NAALADL1: variants seen among roughly 807,000 people sequenced by gnomAD.
NAALADL1 encodes N-acetylated alpha-linked acidic dipeptidase like 1, also known as aminopeptidase NAALADL1.
Under a neutral mutation model 82.8 loss-of-function variants are expected in NAALADL1, and 77 were observed. That is an observed-to-expected ratio of 0.93 (90% CI 0.77 to 1.12). The LOEUF (loss-of-function observed/expected upper bound fraction) is 1.12. Among genes scored for constraint, NAALADL1 ranks in the 50% most tolerant of loss-of-function variants. The probability of loss-of-function intolerance (pLI) is 0.00; values close to 1 mark genes in which losing one functional copy is unlikely to be tolerated. For missense variants in NAALADL1, 956 were observed against 964.0 expected (o/e 0.99, Z 0.11); for synonymous variants, 358 against 399.2 (o/e 0.90, Z 1.23).
In NAALADL1 at chr11:65,045,867, C is replaced by G; in HGVS notation, c.1991G>C (p.Arg664Pro). 6.2e-7 allele frequency: 1 copy of G among 1,614,104 alleles called. No individual in the cohort carries two copies. Among genetic ancestry groups the G allele is most frequent in the Non-Finnish European group, 8.5e-7 (1 of 1,179,992 alleles). Reference protein sequence around the residue: ...MLNDQLMLLERTFLNPRAFPE... With the variant: ...MLNDQLMLLEPTFLNPRAFPE... ...GAAGGCTCTAGGGTTCAGAAAGGTC[C>G]GTTCCAAGAGCATCAACTGGTCATT... Residue 664 changes from arginine (R) to proline (P), a missense_variant, in exon 17 of 18, where the codon CGG (arginine) becomes CCG (proline). By Grantham distance (103) the Arg-to-Pro change is moderately radical (BLOSUM62 -2). Coordinates refer to ENST00000358658, the MANE Select transcript of NAALADL1 (RefSeq NM_005468.3).
chr11:65,046,021 G>A lies in NAALADL1; in HGVS notation c.1943+6C>T. 6.2e-7 allele frequency: 1 copy of A among 1,613,542 alleles called. No homozygotes were observed. Among genetic ancestry groups the A allele is most frequent in the Non-Finnish European group, 8.5e-7 (1 of 1,179,860 alleles). On this transcript the variant is annotated splice_donor_region_variant and intron_variant, in intron 16 of 17. Transcript: ENST00000358658. ...CTCCCAGCCCCTGCCCGCTGCCCTT[G>A]CTCACTCAGGGCTGCCCTTCTGCAG...
intron 4 of NAALADL1, among the ~76,000 whole-genome samples, chr11:65,056,042 G>A (rs1342422347): frequency 6.6e-6 from 1 of 151,802 alleles, no homozygotes; most frequent in African/African-American, 2.4e-5. Context: ...CTGCCACCAT[G>A]AGCGGCTATT....
Position 65,053,156 on chromosome 11 carries a change from T to C in NAALADL1, c.1198+62A>G. On this transcript the variant is annotated intron_variant, in intron 8 of 17. Transcript: ENST00000358658. The surrounding 1 kb of genome is among the most constrained non-coding windows in gnomAD (Gnocchi z 4.3). ...GCACTGCAGTGTGAGGGAGAGGAGG[T>C]GGAACAGGAAGGGGACCTCCGGGGG... 1 of 1,480,890 alleles carries C rather than the reference T, an allele frequency of 6.8e-7. No individual in the cohort carries two copies. Among genetic ancestry groups the C allele is most frequent in the Non-Finnish European group, 9.0e-7 (1 of 1,113,138 alleles). The allele number at this position is 1,480,890 out of a possible 1,614,324, so 91.7% of individuals were successfully genotyped here.
At position 65,058,148 on chromosome 11, in the gene NAALADL1, C is replaced by CGAGT; in HGVS notation, c.284_287dup (p.Ala97LeufsTer15). ...GCACTTCGTACGTGGAGGCCTCGGC[C>CGAGT]GAGTCCAGGCCTGACTCTGGGTCCT... On this transcript the variant is annotated frameshift_variant, in exon 2 of 18. Coordinates refer to ENST00000358658, the MANE Select transcript of NAALADL1 (RefSeq NM_005468.3). LOFTEE classifies it high-confidence loss of function. The CGAGT allele has an allele frequency of 6.2e-7, 1 of 1,613,914 alleles. No individual in the cohort carries two copies. Among genetic ancestry groups the CGAGT allele is most frequent in the Non-Finnish European group, 8.5e-7 (1 of 1,179,922 alleles).
chr11:65,046,123 A>T lies in NAALADL1; in HGVS notation c.1856-9T>A. 6.2e-7 allele frequency: 1 copy of T among 1,614,138 alleles called. No homozygotes were observed. The highest frequency in any genetic ancestry group is 2.2e-5 in the East Asian group (1 of 44,880). On this transcript the variant is annotated splice_polypyrimidine_tract_variant and intron_variant, in intron 15 of 17. Transcript: ENST00000358658. ...TGCAGTCACCAGAGGCCCTGTGAGG[A>T]ACAAGCAGTGGCTCAGTCATGGGGG...
intron 8 of NAALADL1, among the ~76,000 whole-genome samples, chr11:65,051,328 T>C (rs1483884158): frequency 4.3e-4 from 22 of 50,896 alleles, no homozygotes; most frequent in Non-Finnish European, 6.5e-4. Flanking sequence ...TTTTTTTTTT[T>C]TTTTTTTTTT....
In NAALADL1 at chr11:65,045,929, G is replaced by A; in HGVS notation, c.1944-15C>T. 1 of 1,613,468 alleles carries A rather than the reference G, an allele frequency of 6.2e-7. No homozygotes were observed. Among genetic ancestry groups the A allele is most frequent in the Non-Finnish European group, 8.5e-7 (1 of 1,179,784 alleles). ...CCTGCAGGGGGCTGGTGGGGAGGCAGGAACTGCCAGTCACCCTGGAGCCAG... is the reference window on the plus strand; with the variant it reads ...CCTGCAGGGGGCTGGTGGGGAGGCAAGAACTGCCAGTCACCCTGGAGCCAG... On this transcript the variant is annotated splice_polypyrimidine_tract_variant and intron_variant, in intron 16 of 17. Coordinates refer to ENST00000358658, the MANE Select transcript of NAALADL1 (RefSeq NM_005468.3).
At chr11:65,046,788 C>CA (rs1016793515) in intron 13 of NAALADL1, among the ~76,000 whole-genome samples, 1 of 152,118 alleles carries the variant, frequency 6.6e-6, no homozygotes. Flanking sequence ...GCTTTGGGGT[C>CA]AGATAGATTC....
At position 65,048,324 on chromosome 11, in the gene NAALADL1, G is replaced by T; in HGVS notation, c.1260C>A (p.Leu420=). 1 of 1,614,178 alleles carries T rather than the reference G, an allele frequency of 6.2e-7. No individual in the cohort carries two copies. Among genetic ancestry groups the T allele is most frequent in the South Asian group, 1.1e-5 (1 of 91,080 alleles). Residue 420 remains leucine, a synonymous_variant, in exon 9 of 18, where the codon CTC becomes CTA. Transcript: ENST00000358658. ...FASWGAEEFG[L]IGSTEFTEEF... is the part of the protein sequence containing the mutation. ...CTTCTGTGAATTCCGTGGAGCCAAT[G>T]AGCCCAAACTCCTCAGCCCCCCAGC... is the stretch of plus-strand genomic sequence containing the variant.
chr11:65,048,070 A>C, intron 10 of NAALADL1, 22 bp from the exon 11 acceptor site: 1 of 1,612,864 alleles, frequency 6.2e-7, no homozygotes, highest in Non-Finnish European at 8.5e-7. Flanking sequence ...GGGGAGAAAG[A>C]CTATTTGGGC....
Position 65,046,525 on chromosome 11 carries a change from C to T in NAALADL1, c.1601G>A (p.Ser534Asn), listed in dbSNP as rs1323679257. 1.2e-6 allele frequency: 2 copies of T among 1,613,994 alleles called. No homozygotes were observed. Among genetic ancestry groups the T allele is most frequent in the African/African-American group, 2.7e-5 (2 of 74,906 alleles). ...SMDIAYTYDR[S>N]KTSARIYPTY... Reference sequence around the variant, plus strand: ...GGGGTAGATCCTGGCTGAAGTCTTGCTCTGGGGGAACAAAGCCCAGAGGTG... The same window carrying T: ...GGGGTAGATCCTGGCTGAAGTCTTGTTCTGGGGGAACAAAGCCCAGAGGTG... Residue 534 changes from serine (S) to asparagine (N), a missense_variant and splice_region_variant, in exon 14 of 18, where the codon AGC becomes AAC. Transcript: ENST00000358658.
At chr11:65,055,590 T>A (rs1232377412) in intron 4 of NAALADL1, among the ~76,000 whole-genome samples, 1 of 152,188 alleles carries the variant, frequency 6.6e-6, no homozygotes, top group Admixed American at 6.5e-5. Context: ...CTTTCACTTA[T>A]GCGAGGTACC....
chr11:65,046,002 G>A, intron 16 of NAALADL1, 25 bp downstream of exon 16: 1 of 1,612,354 alleles, frequency 6.2e-7, no homozygotes, highest in Non-Finnish European at 8.5e-7. Flanking sequence ...TGCCCTCCCA[G>A]CCCCTGCCCG....
At chr11:65,048,278 C>T (rs1290565868) in intron 9 of NAALADL1, 22 bp downstream of exon 9, 1 of 1,614,178 alleles carries the variant, frequency 6.2e-7, no homozygotes, top group Non-Finnish European at 8.5e-7. Context: ...CTTTCGATCC[C>T]CTACCCTGTA....
In NAALADL1 at chr11:65,045,139, G is replaced by A. The variant is rs1946687866; in HGVS notation, c.*132C>T. On this transcript the variant is annotated 3_prime_UTR_variant, in exon 18 of 18. Coordinates refer to ENST00000358658, the MANE Select transcript of NAALADL1 (RefSeq NM_005468.3). ...TTGCCACTCCCCTCAGGGACCTCAA[G>A]CTGTTGCCTGAGAAGCTTGAGAGGG... The A allele has an allele frequency of 9.8e-7, 1 of 1,022,770 alleles. No individual in the cohort carries two copies. Among genetic ancestry groups the A allele is most frequent in the Non-Finnish European group, 1.4e-6 (1 of 711,778 alleles). 63.4% of individuals were successfully genotyped at this position (1,022,770 alleles called of 1,614,324 possible).
rs1357042341 is a variant in NAALADL1, at chr11:65,054,747, G to A, written c.604-9C>T. ...TTGGCAGCGTTCACAGCCTGCAGTG[G>A]GCAGAGGAGGCTGTGTGTAAGGGAG... is the stretch of plus-strand genomic sequence containing the variant. On this transcript the variant is annotated splice_polypyrimidine_tract_variant and intron_variant, in intron 4 of 17. Transcript: ENST00000358658. The surrounding 1 kb of genome is among the most constrained non-coding windows in gnomAD (Gnocchi z 4.3). 1.9e-6 allele frequency: 3 copies of A among 1,611,068 alleles called. No homozygotes were observed. Among genetic ancestry groups the A allele is most frequent in the South Asian group, 1.1e-5 (1 of 90,998 alleles).
chr11:65,045,548 C>T, intron 17 of NAALADL1, 91 bp from the exon 18 acceptor site: 2 of 1,353,532 alleles, frequency 1.5e-6, no homozygotes, highest in African/African-American at 2.9e-5. Flanking sequence ...CTCCTGTACG[C>T]AGCGAGGCAG....
intron 13 of NAALADL1, among the ~76,000 whole-genome samples, chr11:65,047,058 C>T (rs939448429): frequency 1.4e-5 from 2 of 147,078 alleles, no homozygotes; most frequent in Non-Finnish European, 3.0e-5. Flanking sequence ...TGGTTGGAAG[C>T]GGTGGTTTTT....
rs1165171364 is a variant in NAALADL1, at chr11:65,054,568, A to C, written c.774T>G (p.Thr258=). 2 of 1,613,752 alleles carry C rather than the reference A, an allele frequency of 1.2e-6. No homozygotes were observed. Among genetic ancestry groups the C allele is most frequent in the Admixed American group, 1.7e-5 (1 of 59,964 alleles). Residue 258 remains threonine, a synonymous_variant, in exon 5 of 18, where the codon ACT becomes ACG. Coordinates refer to ENST00000358658, the MANE Select transcript of NAALADL1 (RefSeq NM_005468.3). The surrounding 1 kb of genome is among the most constrained non-coding windows in gnomAD (Gnocchi z 4.3). ...AAGAGGGGACGGCTGGAAGGTAGGG[A>C]GTCAGAGGGTCCCCAAAATACTCGT... is the stretch of plus-strand genomic sequence containing the variant. ...SYYEYFGDPL[T]PYLPAVPSSF...
Sources: allele counts gnomAD v4.1 joint callset (sites outside exome capture counted in the v4.1 genomes callset), GRCh38; gene constraint gnomAD v4.1.1; non-coding constraint Gnocchi (gnomAD v3.1); transcripts MANE v1.5; gene names NCBI Gene and HGNC (gene_info 2026-07-23, HGNC 2026-07-21).